Variants in WWOX observed in about 807,000 individuals in gnomAD.
WWOX encodes WW domain-containing oxidoreductase.
A neutral mutation model predicts 46.2 loss-of-function variants in WWOX; 69 were observed. The ratio of observed to expected loss-of-function variants is 1.49; its 90% CI spans 1.23 to 1.82. The LOEUF (loss-of-function observed/expected upper bound fraction) is 1.82, where lower values mean the gene tolerates loss of function less well. WWOX is among the 40% of genes most tolerant of loss of function. WWOX has a pLI of 0.00. For missense variants in WWOX, 919 were observed against 542.6 expected (o/e 1.69, Z -6.89); for synonymous variants, 359 against 202.6 (o/e 1.77, Z -6.56).
chr16:78,605,735 G>A (rs748685390), intron 8 of WWOX, among the ~76,000 whole-genome samples: 1 of 152,160 alleles, frequency 6.6e-6, no homozygotes, highest in Non-Finnish European at 1.5e-5. Flanking sequence ...AAAATAGCCA[G>A]TTATCTTTGC....
intron 8 of WWOX, among the ~76,000 whole-genome samples, chr16:79,128,294 C>G (rs925466464): frequency 6.7e-6 from 1 of 150,152 alleles, no homozygotes; most frequent in Non-Finnish European, 1.5e-5. Context: ...TGTGTTCAGA[C>G]AAACACTAAT....
At chr16:78,333,920 CTCT>C (rs1334085921) in intron 5 of WWOX, among the ~76,000 whole-genome samples, 5 of 148,708 alleles carry the variant, frequency 3.4e-5, no homozygotes, top group East Asian at 3.9e-4. Context: ...TCTCCTCCCC[CTCT>C]TCTTCTCTTT....
In WWOX at chr16:79,150,765, C is replaced by G. The variant is rs148384702; in HGVS notation, c.1057-60843C>G. 4.3e-3 allele frequency among the ~76,000 whole-genome samples: 654 copies of G among 152,282 alleles called. 4 individuals are homozygous for G. The highest frequency in any genetic ancestry group is 0.015 in the African/African-American group (620 of 41,562). On this transcript the variant is annotated intron_variant, in intron 8 of 8. Coordinates refer to ENST00000566780, the MANE Select transcript of WWOX (RefSeq NM_016373.4). ...CAAGTGACTTTACCCCTTTGGCCTCCTGGGTAGCCGGGACTACAGGCGTGT... is the reference window on the plus strand; with the variant it reads ...CAAGTGACTTTACCCCTTTGGCCTCGTGGGTAGCCGGGACTACAGGCGTGT...
chr16:78,528,857 T>C (rs1448752952), intron 8 of WWOX, among the ~76,000 whole-genome samples: 1 of 152,202 alleles, frequency 6.6e-6, no homozygotes, highest in Non-Finnish European at 1.5e-5. Context: ...CTCAGCCATC[T>C]TGGATTCCCA....
intron 8 of WWOX, among the ~76,000 whole-genome samples, chr16:78,921,377 C>T (rs142534819): frequency 1.7e-4 from 26 of 152,276 alleles, no homozygotes; most frequent in African/African-American, 6.0e-4. Context: ...GAAAGGTGGA[C>T]TCACTGGTCA....
chr16:79,069,826 T>C (rs892759698), intron 8 of WWOX, among the ~76,000 whole-genome samples: 1 of 152,132 alleles, frequency 6.6e-6, no homozygotes, highest in African/African-American at 2.4e-5. Context: ...TGGTGTTAGT[T>C]AGTCTCAGAT....
At chr16:78,861,356 T>G (rs999074076) in intron 8 of WWOX, among the ~76,000 whole-genome samples, 2 of 152,234 alleles carry the variant, frequency 1.3e-5, no homozygotes, top group Admixed American at 6.5e-5. Flanking sequence ...AAATTATTTT[T>G]GGCTCCAGCT....
chr16:79,122,275 A>C (rs571238650), intron 8 of WWOX, among the ~76,000 whole-genome samples: 1 of 152,296 alleles, frequency 6.6e-6, no homozygotes, highest in Non-Finnish European at 1.5e-5. Flanking sequence ...GCCAAAAAAG[A>C]AAAGGGAGGA....
At chr16:78,817,754 C>G (rs7205028) in intron 8 of WWOX, among the ~76,000 whole-genome samples, 124,768 of 152,092 alleles carry the variant, frequency 0.82, 51,245 homozygotes, top group Middle Eastern at 0.86. Context: ...AGCCCTTTCT[C>G]TTCCCCTGAG....
chr16:78,594,344 A>G (rs1200167645), intron 8 of WWOX, among the ~76,000 whole-genome samples: 11 of 148,262 alleles, frequency 7.4e-5, no homozygotes, highest in East Asian at 2.0e-4. Flanking sequence ...GCAAAACCCA[A>G]TCCGCTCATA....
At chr16:79,059,835 A>G (rs2048328117) in intron 8 of WWOX, among the ~76,000 whole-genome samples, 3 of 152,212 alleles carry the variant, frequency 2.0e-5, no homozygotes, top group Admixed American at 6.5e-5. Flanking sequence ...CTTATTACTT[A>G]AAAGTAATTT....
chr16:78,825,190 C>T (rs1016082737), intron 8 of WWOX: 3 of 157,632 alleles, frequency 1.9e-5, no homozygotes, highest in African/African-American at 7.2e-5. Flanking sequence ...GTTCCATGGG[C>T]AGCGTCTTCT....
intron 8 of WWOX, among the ~76,000 whole-genome samples, chr16:79,187,867 G>C (rs116065793): frequency 0.013 from 1,959 of 152,292 alleles, 40 homozygotes; most frequent in African/African-American, 0.043. Context: ...TTTTTGAGAA[G>C]AGAAAGAAAG....
chr16:78,127,354 C>A (rs1408442862), intron 4 of WWOX, among the ~76,000 whole-genome samples: 2 of 151,876 alleles, frequency 1.3e-5, no homozygotes, highest in South Asian at 4.2e-4. Context: ...TTCCTGGTTC[C>A]CAGATCCTCA....
chr16:78,918,402 T>C (rs1191544983), intron 8 of WWOX, among the ~76,000 whole-genome samples: 1 of 152,142 alleles, frequency 6.6e-6, no homozygotes, highest in East Asian at 1.9e-4. Flanking sequence ...CAGGCTGGCT[T>C]CTTACCTAGG....
chr16:78,183,382 A>G (rs2035593947), intron 5 of WWOX, among the ~76,000 whole-genome samples: 1 of 152,156 alleles, frequency 6.6e-6, no homozygotes, highest in African/African-American at 2.4e-5. Context: ...GCATAGGACC[A>G]GTTGGTTATG....
At chr16:78,893,953 G>A (rs1275600361) in intron 8 of WWOX, among the ~76,000 whole-genome samples, 1 of 151,802 alleles carries the variant, frequency 6.6e-6, no homozygotes, top group East Asian at 1.9e-4. Flanking sequence ...AGCAGATATT[G>A]TGTCTGTGAT....
intron 8 of WWOX, among the ~76,000 whole-genome samples, chr16:78,913,538 C>G (rs2045166726): frequency 2.0e-5 from 3 of 152,048 alleles, no homozygotes; most frequent in African/African-American, 7.2e-5. Flanking sequence ...GTTCACCACC[C>G]AGAGCAAAGT....
chr16:79,173,934 T>A (rs2050750631), intron 8 of WWOX, among the ~76,000 whole-genome samples: 1 of 152,234 alleles, frequency 6.6e-6, no homozygotes, highest in Non-Finnish European at 1.5e-5. Flanking sequence ...GTGTTTAATG[T>A]GTTGCACAGC....
Sources: gnomAD v4.1 joint callset for allele counts (sites outside exome capture counted in the v4.1 genomes callset) on GRCh38, gnomAD v4.1.1 for gene constraint, MANE v1.5 for transcripts, NCBI Gene and HGNC (gene_info 2026-07-23, HGNC 2026-07-21) for gene names.